TMEM17: variants seen among roughly 807,000 people sequenced by gnomAD.
TMEM17 encodes the protein transmembrane protein 17.
Under a neutral mutation model 19.1 loss-of-function variants are expected in TMEM17, and 15 were observed. That is an observed-to-expected ratio of 0.78 (90% confidence interval 0.52 to 1.21). The LOEUF (loss-of-function observed/expected upper bound fraction) is 1.21. Ranked by LOEUF, TMEM17 falls within the 50% of genes most tolerant of loss-of-function variation. TMEM17 has a pLI of 0.00. For missense variants in TMEM17, 245 were observed against 242.3 expected (o/e 1.01, Z -0.07); for synonymous variants, 103 against 86.9 (o/e 1.19, Z -1.03).
the TMEM17 span, among the ~76,000 whole-genome samples, chr2:62,470,193 C>G: frequency 6.6e-6 from 1 of 152,202 alleles, no homozygotes; most frequent in Admixed American, 6.5e-5. Context: ...CTGGGGGCAC[C>G]TTTCCTCTGT....
At chr2:62,479,446 T>C in the TMEM17 span, among the ~76,000 whole-genome samples, 4 of 152,260 alleles carry the variant, frequency 2.6e-5, no homozygotes, top group Non-Finnish European at 5.9e-5. Context: ...GATGTATATA[T>C]ACCACATTTT....
chr2:62,495,132 C>A, the TMEM17 span, among the ~76,000 whole-genome samples: 5 of 152,206 alleles, frequency 3.3e-5, no homozygotes, highest in African/African-American at 1.2e-4. Flanking sequence ...AAGCTCTTTT[C>A]AGACAAGAAT....
the TMEM17 span, among the ~76,000 whole-genome samples, chr2:62,474,376 C>T: frequency 6.6e-6 from 1 of 152,158 alleles, no homozygotes; most frequent in Non-Finnish European, 1.5e-5. Flanking sequence ...CACAGGCTTG[C>T]AAATCTCTCC....
At chr2:62,478,864 C>T in the TMEM17 span, among the ~76,000 whole-genome samples, 8 of 152,026 alleles carry the variant, frequency 5.3e-5, no homozygotes, top group African/African-American at 1.7e-4. Context: ...GAAACAATTC[C>T]CAAAGGGTCT....
chr2:62,506,118 C>T lies in TMEM17; in HGVS notation c.12G>A (p.Pro4=), dbSNP rs11676567. 0.39 allele frequency: 632,115 copies of T among 1,608,072 alleles called. 126,546 individuals are homozygous for T. The highest frequency in any genetic ancestry group is 0.59 in the East Asian group (26,050 of 44,354). The stretch of plus-strand genomic sequence containing the variant: ...TTCCCAGCCGCTGGCGCACCGGATC[C>T]GGCAGCTCCATGCCTGGGCCTCAGT... MEL[P]DPVRQRLGNF... is the part of the protein sequence containing the mutation. The change falls in exon 1 of 4, where the codon CCG becomes CCA. Residue 4 remains proline, a synonymous_variant. Transcript: ENST00000335390.
downstream of TMEM17, among the ~76,000 whole-genome samples, chr2:62,498,870 G>T (rs1679847209): frequency 6.6e-6 from 1 of 151,986 alleles, no homozygotes; most frequent in African/African-American, 2.4e-5. Context: ...ATAAATTAAG[G>T]ATGGATAAAT....
the TMEM17 span, among the ~76,000 whole-genome samples, chr2:62,470,641 G>A: frequency 2.6e-5 from 4 of 152,174 alleles, no homozygotes; most frequent in Admixed American, 2.6e-4. Flanking sequence ...CTGGGGGTGG[G>A]GTCCACCTTG....
the TMEM17 span, among the ~76,000 whole-genome samples, chr2:62,492,697 TATC>T: frequency 6.6e-6 from 1 of 152,246 alleles, no homozygotes; most frequent in African/African-American, 2.4e-5. Flanking sequence ...GCACTGGAGA[TATC>T]ATGAATAAGA....
At chr2:62,504,982 T>C (rs1680025864) in intron 1 of TMEM17, among the ~76,000 whole-genome samples, 1 of 152,192 alleles carries the variant, frequency 6.6e-6, no homozygotes, top group Admixed American at 6.5e-5. Context: ...CAGACGTTAG[T>C]GCTCATTAAG....
chr2:62,462,141 C>T, the TMEM17 span, among the ~76,000 whole-genome samples: 1 of 152,186 alleles, frequency 6.6e-6, no homozygotes, highest in Non-Finnish European at 1.5e-5. Flanking sequence ...TAGCTGTCAC[C>T]CTTAGCCCTG....
At chr2:62,501,771 G>A (rs1434990454) in intron 3 of TMEM17, 2 of 282,986 alleles carry the variant, frequency 7.1e-6, no homozygotes, top group East Asian at 1.3e-4. Context: ...TAGGGTAGGT[G>A]AAAGAAAGAC....
chr2:62,498,453 A>C (rs916252274), downstream of TMEM17, among the ~76,000 whole-genome samples: 11 of 150,712 alleles, frequency 7.3e-5, no homozygotes, highest in Admixed American at 7.3e-4. Flanking sequence ...GCGGTGGCTC[A>C]CGCCTGTAAT....
the TMEM17 span, among the ~76,000 whole-genome samples, chr2:62,480,516 C>T: frequency 6.6e-6 from 1 of 152,060 alleles, no homozygotes; most frequent in Non-Finnish European, 1.5e-5. Flanking sequence ...GTTGTTTCCT[C>T]TATGTTTTCT....
Position 62,500,913 on chromosome 2 carries a change from G to C in TMEM17, c.*296C>G, listed in dbSNP as rs116447497. ...AAGATTCTAACCAGAAATGCTACGA[G>C]AGAGCTGGCAAATGACAACCACCAA... On this transcript the variant is annotated 3_prime_UTR_variant, in exon 4 of 4. Transcript: ENST00000335390. 3.4e-3 allele frequency: 890 copies of C among 260,550 alleles called. 9 individuals carry two copies. The highest frequency in any genetic ancestry group is 0.019 in the African/African-American group (841 of 45,094). The allele number at this position is 260,550 out of a possible 1,614,324, so 16.1% of individuals were successfully genotyped here.
chr2:62,499,152 A>T (rs1173855585), downstream of TMEM17, among the ~76,000 whole-genome samples: 1 of 152,184 alleles, frequency 6.6e-6, no homozygotes, highest in Non-Finnish European at 1.5e-5. Flanking sequence ...ATTACTTGAA[A>T]TTTTTGATAA....
the TMEM17 span, among the ~76,000 whole-genome samples, chr2:62,494,207 A>G: frequency 6.6e-6 from 1 of 152,254 alleles, no homozygotes; most frequent in African/African-American, 2.4e-5. Flanking sequence ...TTGACTTTAC[A>G]GAACAAAATC....
the TMEM17 span, among the ~76,000 whole-genome samples, chr2:62,479,408 C>CT: frequency 3.4e-4 from 52 of 152,186 alleles, no homozygotes; most frequent in African/African-American, 1.0e-3. Context: ...GAATTTCATT[C>CT]TTTTTTTTGT....
the TMEM17 span, among the ~76,000 whole-genome samples, chr2:62,458,994 T>C: frequency 3.3e-5 from 5 of 152,250 alleles, no homozygotes; most frequent in Non-Finnish European, 5.9e-5. Context: ...GGAACATTTG[T>C]GTACGACTTC....
chr2:62,489,585 A>G, the TMEM17 span, among the ~76,000 whole-genome samples: 188 of 152,234 alleles, frequency 1.2e-3, no homozygotes, highest in African/African-American at 4.3e-3. Flanking sequence ...CAAAAGGAAG[A>G]AATATTTGGT....
Sources: gnomAD v4.1 joint callset for allele counts (sites outside exome capture counted in the v4.1 genomes callset) on GRCh38, gnomAD v4.1.1 for gene constraint, MANE v1.5 for transcripts, NCBI Gene and HGNC (gene_info 2026-07-23, HGNC 2026-07-21) for gene names.